Variants in POLR3GL observed in about 807,000 individuals in gnomAD.
The protein encoded by POLR3GL is DNA-directed RNA polymerase III subunit RPC7-like.
A neutral mutation model predicts 32.4 loss-of-function variants in POLR3GL; 26 were observed. That is an observed-to-expected ratio of 0.80 (90% CI 0.59 to 1.11). POLR3GL has a LOEUF of 1.11. Ranked by LOEUF, POLR3GL falls within the 50% of genes most tolerant of loss-of-function variation. The pLI is 0.00. For synonymous variants in POLR3GL, 95 were observed against 98.7 expected (o/e 0.96, Z 0.22); for missense variants, 229 against 280.1 (o/e 0.82, Z 1.30).
Position 145,978,359 on chromosome 1 carries a change from A to C in POLR3GL, c.571-2A>C. ...CTTTTACTTTTTTTTTTTCCATTTC[A>C]GGAAACTGATTACATCATGTCATAT... On this transcript the variant is annotated splice_acceptor_variant, in intron 7 of 7. Coordinates refer to ENST00000369314, the MANE Select transcript of POLR3GL (RefSeq NM_032305.3). LOFTEE classifies it high-confidence loss of function. 6.6e-7 allele frequency: 1 copy of C among 1,524,562 alleles called. No homozygotes were observed. The highest frequency in any genetic ancestry group is 1.5e-5 in the African/African-American group (1 of 67,256). The allele number at this position is 1,524,562 out of a possible 1,614,324, so 94.4% of individuals were successfully genotyped here.
chr1:145,974,638 GA>G (rs1553763119), intron 1 of POLR3GL, among the ~76,000 whole-genome samples, 186 bp from the exon 2 acceptor site: 1 of 152,120 alleles, frequency 6.6e-6, no homozygotes, highest in African/African-American at 2.4e-5. Context: ...CTGTTTGGGG[GA>G]CCATGTCTCA....
At chr1:145,977,350 A>G in intron 4 of POLR3GL, 133 bp from the exon 5 acceptor site, 1 of 922,200 alleles carries the variant, frequency 1.1e-6, no homozygotes, top group Non-Finnish European at 1.7e-6. Context: ...GAGATATCCA[A>G]GCCACTGAAC....
intron 1 of POLR3GL, among the ~76,000 whole-genome samples, chr1:145,972,043 G>T (rs142085618): frequency 0.033 from 4,621 of 138,786 alleles, 283 homozygotes; most frequent in African/African-American, 0.11. Flanking sequence ...TATATATAGA[G>T]AGAGAGAGAG....
intron 3 of POLR3GL, 64 bp downstream of exon 3, chr1:145,975,500 C>T (rs1377021920): frequency 1.3e-6 from 2 of 1,569,404 alleles, no homozygotes; most frequent in East Asian, 4.5e-5. Context: ...GTGCTCAGCA[C>T]CACTGGGGGC....
In POLR3GL at chr1:145,978,732, A is replaced by G. The variant is rs888293579; in HGVS notation, c.*285A>G. ...AACTGGGGTTGTTAGAGCTGAGATG[A>G]CTGTACACATACCCCTGCCCAATTT... On this transcript the variant is annotated 3_prime_UTR_variant, in exon 8 of 8. Coordinates refer to ENST00000369314, the MANE Select transcript of POLR3GL (RefSeq NM_032305.3). The G allele has an allele frequency of 1.5e-5, 6 of 406,674 alleles. No individual in the cohort carries two copies. Among genetic ancestry groups the G allele is most frequent in the South Asian group, 7.6e-5 (2 of 26,146 alleles). The allele number at this position is 406,674 out of a possible 1,614,324, so 25.2% of individuals were successfully genotyped here. A position where few individuals can be genotyped will look rare whatever the true frequency, so the allele number is the denominator to read the frequency against.
chr1:145,972,729 TTACTC>T (rs1553762890), intron 1 of POLR3GL, among the ~76,000 whole-genome samples: 1 of 152,044 alleles, frequency 6.6e-6, no homozygotes, highest in Non-Finnish European at 1.5e-5. Flanking sequence ...GACAGAGTCT[TTACTC>T]TGCCACCCAG....
In POLR3GL at chr1:145,975,407, A is replaced by AC. The variant is rs1650506677; in HGVS notation, c.228dup (p.Phe77LeufsTer25). The stretch of plus-strand genomic sequence containing the variant: ...CGAGGAGCCATGAGGCAGCTCCCCT[A>AC]CTTCATCCGGCCAGCTGTCCCCAAG... On this transcript the variant is annotated frameshift_variant, in exon 3 of 8. Transcript: ENST00000369314. LOFTEE classifies it high-confidence loss of function. The AC allele has an allele frequency of 6.2e-7, 1 of 1,613,982 alleles. No individual in the cohort carries two copies. Among genetic ancestry groups the AC allele is most frequent in the Non-Finnish European group, 8.5e-7 (1 of 1,179,898 alleles).
At chr1:145,965,571 A>G (rs1405650616) in intron 1 of POLR3GL, among the ~76,000 whole-genome samples, 1 of 152,158 alleles carries the variant, frequency 6.6e-6, no homozygotes, top group Admixed American at 6.5e-5. Flanking sequence ...AGCACCTACT[A>G]TATGCCAGAC....
intron 3 of POLR3GL, among the ~76,000 whole-genome samples, chr1:145,976,724 C>T (rs1650571508): frequency 6.6e-6 from 1 of 151,558 alleles, no homozygotes; most frequent in African/African-American, 2.4e-5. Flanking sequence ...ACCATCCTGG[C>T]CAACATGGTG....
rs1478225579 is a variant in POLR3GL, at chr1:145,970,874, T to C, written c.-41-3951T>C. ...CGGGCAACAAGAGCGAAACTCCATC[T>C]CAAAAAAAAAAAAAAAAAAAAAAAA... On this transcript the variant is annotated intron_variant, in intron 1 of 7. Transcript: ENST00000369314. Among the ~76,000 whole-genome samples, 15 of 19,346 alleles carry C rather than the reference T, an allele frequency of 7.8e-4. No homozygotes were observed. The Admixed American group carries it at 0.012, about 15-fold the overall frequency. 12.7% of individuals were successfully genotyped at this position (19,346 alleles called of 152,430 possible). A position where few individuals can be genotyped will look rare whatever the true frequency, so the allele number is the denominator to read the frequency against.
intron 2 of POLR3GL, 101 bp downstream of exon 2, chr1:145,975,092 G>C: frequency 7.0e-7 from 1 of 1,421,810 alleles, no homozygotes; most frequent in Non-Finnish European, 9.4e-7. Context: ...CCTCGCTTTG[G>C]CCCTCTCTCT....
At chr1:145,977,957 T>C in intron 6 of POLR3GL, 26 bp from the exon 7 acceptor site, 1 of 1,613,992 alleles carries the variant, frequency 6.2e-7, no homozygotes, top group African/African-American at 1.3e-5. Flanking sequence ...AACCTGAGTT[T>C]CTATTCCTAT....
chr1:145,976,508 C>T lies in POLR3GL; in HGVS notation c.257-576C>T, dbSNP rs587750053. ...GCAAGAATTGCTTGAACTTGGGAGG[C>T]GGAGGTTGCAGTGGGCTGAGATCAC... On this transcript the variant is annotated intron_variant, in intron 3 of 7. Coordinates refer to ENST00000369314, the MANE Select transcript of POLR3GL (RefSeq NM_032305.3). 8.8e-5 allele frequency among the ~76,000 whole-genome samples: 13 copies of T among 148,308 alleles called. No individual in the cohort carries two copies. The East Asian group carries it at 1.6e-3, about 18-fold the overall frequency.
rs782263378 is a variant in POLR3GL at position 145,977,506 on chromosome 1, C to T, written c.349C>T (p.Leu117=). ...AGATTGGCGGCGTCTACCCCGGGAGCTAAAGATCCGAGTGCGGAAGCTACA... is the reference window on the plus strand; with the variant it reads ...AGATTGGCGGCGTCTACCCCGGGAGTTAAAGATCCGAGTGCGGAAGCTACA... ...NPDWRRLPRE[L]KIRVRKLQKE... The change falls in exon 5 of 8, where the codon CTA becomes TTA. Residue 117 remains leucine, a synonymous_variant. Coordinates refer to ENST00000369314, the MANE Select transcript of POLR3GL (RefSeq NM_032305.3). The T allele has an allele frequency of 3.1e-6, 5 of 1,614,068 alleles. 1 individual carries two copies. The South Asian group carries it at 5.5e-5, about 18-fold the overall frequency.
intron 2 of POLR3GL, 120 bp downstream of exon 2, chr1:145,975,111 A>G (rs1650493269): frequency 7.5e-7 from 1 of 1,338,988 alleles, no homozygotes; most frequent in Admixed American, 2.7e-5. Flanking sequence ...CTATACTCCC[A>G]ATGCACAGGG....
intron 1 of POLR3GL, among the ~76,000 whole-genome samples, chr1:145,971,628 T>C (rs1172667188): frequency 6.6e-6 from 1 of 152,114 alleles, no homozygotes; most frequent in Non-Finnish European, 1.5e-5. Context: ...AAGTAGTGTT[T>C]TTCTGGTCTC....
At chr1:145,966,116 CAAAAAAAAAAA>C (rs58691867) in intron 1 of POLR3GL, among the ~76,000 whole-genome samples, 2 of 37,170 alleles carry the variant, frequency 5.4e-5, no homozygotes, top group South Asian at 1.1e-3. Context: ...AACTCCCTCT[CAAAAAAAAAAA>C]AAAAAAAAAA....
In POLR3GL at chr1:145,978,758, A is replaced by G; in HGVS notation, c.*311A>G. Reference sequence around the variant, plus strand: ...CTGTACACATACCCCTGCCCAATTTATATAGCTCTTTGTGGAGATAATTAG... The same window carrying G: ...CTGTACACATACCCCTGCCCAATTTGTATAGCTCTTTGTGGAGATAATTAG... On this transcript the variant is annotated 3_prime_UTR_variant, in exon 8 of 8. Transcript: ENST00000369314. 1 of 292,680 alleles carries G rather than the reference A, an allele frequency of 3.4e-6. No individual in the cohort carries two copies. Among genetic ancestry groups the G allele is most frequent in the Non-Finnish European group, 6.4e-6 (1 of 156,684 alleles). 18.1% of individuals were successfully genotyped at this position (292,680 alleles called of 1,614,324 possible).
chr1:145,977,192 A>G (rs1380440639), intron 4 of POLR3GL, 40 bp downstream of exon 4: 1 of 1,513,708 alleles, frequency 6.6e-7, no homozygotes, highest in South Asian at 1.1e-5. Context: ...CTTCTTTCAA[A>G]TGCATGGGAT....
Sources: allele counts gnomAD v4.1 joint callset (sites outside exome capture counted in the v4.1 genomes callset), GRCh38; gene constraint gnomAD v4.1.1; transcripts MANE v1.5; gene names NCBI Gene and HGNC (gene_info 2026-07-23, HGNC 2026-07-21).